IGSF21: variants seen among roughly 807,000 people sequenced by gnomAD.
IGSF21 encodes the protein immunoglobin superfamily member 21.
IGSF21 carries 28 observed loss-of-function variants against 46.8 expected under a neutral mutation model. The ratio of observed to expected loss-of-function variants is 0.60; its 90% confidence interval spans 0.44 to 0.82. The LOEUF is 0.82. IGSF21 is among the 40% of genes least tolerant of loss of function. IGSF21 has a pLI of 0.00. For synonymous variants in IGSF21, 284 were observed against 273.6 expected (o/e 1.04, Z -0.38); for missense variants, 624 against 665.5 (o/e 0.94, Z 0.69).
chr1:18,318,081 C>T lies in IGSF21; in HGVS notation c.306-16811C>T, dbSNP rs985875651. On this transcript the variant is annotated intron_variant, in intron 3 of 9. Coordinates refer to ENST00000251296, the MANE Select transcript of IGSF21 (RefSeq NM_032880.5). The stretch of plus-strand genomic sequence containing the variant: ...GGTTCCCTGCAAAATGAAAGACCTT[C>T]CTAGAAGCCAGCAGGTAGTCATGGT... Among the ~76,000 whole-genome samples the T allele has an allele frequency of 2.0e-5, 3 of 152,158 alleles. No individual in the cohort carries two copies. The East Asian group carries it at 5.8e-4, about 29-fold the overall frequency.
chr1:18,174,269 C>T (rs760676996), intron 1 of IGSF21, among the ~76,000 whole-genome samples: 2 of 152,168 alleles, frequency 1.3e-5, no homozygotes, highest in Non-Finnish European at 2.9e-5. Flanking sequence ...ACCCCACCCC[C>T]GAGGCGTTGC....
At chr1:18,114,100 C>G (rs2086165781) in intron 1 of IGSF21, 1 of 152,206 alleles carries the variant, frequency 6.6e-6, no homozygotes, top group Non-Finnish European at 1.5e-5. Flanking sequence ...TCAGTGCACT[C>G]TTGGTAATGC....
intron 2 of IGSF21, among the ~76,000 whole-genome samples, chr1:18,274,900 C>T (rs1379348138): frequency 6.6e-6 from 1 of 152,150 alleles, no homozygotes; most frequent in Non-Finnish European, 1.5e-5. Context: ...GTGGCATGCA[C>T]CTGGAATCCC....
chr1:18,239,089 G>A (rs1323089018), intron 2 of IGSF21, among the ~76,000 whole-genome samples: 1 of 151,926 alleles, frequency 6.6e-6, no homozygotes, highest in Non-Finnish European at 1.5e-5. Flanking sequence ...TACTGTTGGG[G>A]CCTCCGAGCA....
chr1:18,207,262 C>G (rs949701068), intron 1 of IGSF21, among the ~76,000 whole-genome samples: 2 of 152,210 alleles, frequency 1.3e-5, no homozygotes, highest in Admixed American at 6.5e-5. Context: ...AAACTTCCCA[C>G]TTTTAAGGGC....
chr1:18,377,603 G>T (rs964940581), intron 9 of IGSF21, among the ~76,000 whole-genome samples, 172 bp downstream of exon 9: 3 of 152,140 alleles, frequency 2.0e-5, no homozygotes, highest in African/African-American at 7.2e-5. Context: ...GCAGAGGTGG[G>T]TACTGAGGCA....
At chr1:18,195,866 G>A (rs2087001894) in intron 1 of IGSF21, among the ~76,000 whole-genome samples, 1 of 152,238 alleles carries the variant, frequency 6.6e-6, no homozygotes, top group South Asian at 2.1e-4. Context: ...CATGGCAATA[G>A]TAGAGCCCAG....
At chr1:18,115,668 G>A (rs1267485933) in intron 1 of IGSF21, 1 of 152,160 alleles carries the variant, frequency 6.6e-6, no homozygotes, top group Non-Finnish European at 1.5e-5. Context: ...ACACTGCAAG[G>A]TGATGGGAAG....
chr1:18,330,001 A>G (rs1183300000), intron 3 of IGSF21, among the ~76,000 whole-genome samples: 1 of 152,212 alleles, frequency 6.6e-6, no homozygotes, highest in Non-Finnish European at 1.5e-5. Flanking sequence ...GCTAAACTGC[A>G]TTACACTGAT....
At chr1:18,110,655 G>C (rs2086135258) in intron 1 of IGSF21, 1 of 152,410 alleles carries the variant, frequency 6.6e-6, no homozygotes, top group African/African-American at 2.4e-5. Flanking sequence ...CACTGGCTGG[G>C]CCGGAAGTCC....
At chr1:18,131,012 C>T (rs766989873) in intron 1 of IGSF21, among the ~76,000 whole-genome samples, 11 of 152,232 alleles carry the variant, frequency 7.2e-5, no homozygotes, top group South Asian at 2.1e-4. Context: ...TCCGCCTAGG[C>T]GGCTGAGGAC....
At chr1:18,221,718 C>G (rs767268106) in intron 1 of IGSF21, among the ~76,000 whole-genome samples, 1 of 152,176 alleles carries the variant, frequency 6.6e-6, no homozygotes, top group Admixed American at 6.5e-5. Flanking sequence ...ATCCACTTCT[C>G]GATACCGCGC....
At chr1:18,212,477 G>A (rs1371666399) in intron 1 of IGSF21, among the ~76,000 whole-genome samples, 1 of 152,204 alleles carries the variant, frequency 6.6e-6, no homozygotes, top group East Asian at 1.9e-4. Context: ...CCATTGTCCT[G>A]AGAAATAAGC....
intron 1 of IGSF21, among the ~76,000 whole-genome samples, chr1:18,182,804 C>G (rs1210350893): frequency 6.6e-6 from 1 of 152,220 alleles, no homozygotes; most frequent in Non-Finnish European, 1.5e-5. Context: ...AGCCAAGGTG[C>G]CTAATGGGGT....
At chr1:18,191,332 C>T (rs1236214224) in intron 1 of IGSF21, among the ~76,000 whole-genome samples, 1 of 152,154 alleles carries the variant, frequency 6.6e-6, no homozygotes, top group East Asian at 1.9e-4. Flanking sequence ...AATTGCCTTA[C>T]AAACTGTGAA....
chr1:18,252,654 G>C (rs1350594607), intron 2 of IGSF21, among the ~76,000 whole-genome samples: 1 of 152,192 alleles, frequency 6.6e-6, no homozygotes, highest in Non-Finnish European at 1.5e-5. Flanking sequence ...CATCAGATAA[G>C]ATCTGAGTGG....
At chr1:18,131,785 G>A (rs1209147080) in intron 1 of IGSF21, among the ~76,000 whole-genome samples, 1 of 152,166 alleles carries the variant, frequency 6.6e-6, no homozygotes, top group Non-Finnish European at 1.5e-5. Context: ...AAGAGGAAAG[G>A]TAGAGGACTG....
intron 2 of IGSF21, among the ~76,000 whole-genome samples, chr1:18,257,168 AG>A (rs2084900754): frequency 6.6e-6 from 1 of 152,174 alleles, no homozygotes; most frequent in African/African-American, 2.4e-5. Flanking sequence ...ATTGAAAGTG[AG>A]GGAAATTATT....
At position 18,343,593 on chromosome 1, in the gene IGSF21, G is replaced by C. The variant is rs2085864080; in HGVS notation, c.424+8583G>C. ...TAGTTTTAGCTCTTACAGTTAAGTT[G>C]ATGATGCATTTCAAGTTTATTTTTA... is the stretch of plus-strand genomic sequence containing the variant. On this transcript the variant is annotated intron_variant, in intron 4 of 9. Transcript: ENST00000251296. Among the ~76,000 whole-genome samples the C allele has an allele frequency of 2.0e-5, 3 of 152,300 alleles. No individual in the cohort carries two copies. The South Asian group carries it at 6.2e-4, about 32-fold the overall frequency.
Sources: allele counts gnomAD v4.1 joint callset (sites outside exome capture counted in the v4.1 genomes callset), GRCh38; gene constraint gnomAD v4.1.1; transcripts MANE v1.5; gene names NCBI Gene and HGNC (gene_info 2026-07-23, HGNC 2026-07-21).